PPP1R36: variants seen among roughly 807,000 people sequenced by gnomAD.
PPP1R36 encodes the protein protein phosphatase 1 regulatory subunit 36, also known as chromosome 14 open reading frame 50.
A neutral mutation model predicts 53.4 loss-of-function variants in PPP1R36; 47 were observed. The ratio of observed to expected loss-of-function variants is 0.88; its 90% CI spans 0.70 to 1.12. The LOEUF (loss-of-function observed/expected upper bound fraction) is 1.12, where lower values mean the gene tolerates loss of function less well. Ranked by LOEUF, PPP1R36 falls within the 50% of genes most tolerant of loss-of-function variation. PPP1R36 has a pLI of 0.00. For synonymous variants in PPP1R36, 153 were observed against 170.5 expected, an observed-to-expected ratio of 0.90 and a Z score of 0.80; for missense variants, 456 against 513.9, an observed-to-expected ratio of 0.89 and a Z score of 1.09.
intron 6 of PPP1R36, among the ~76,000 whole-genome samples, chr14:64,567,409 G>T (rs965076048): frequency 4.6e-5 from 7 of 152,066 alleles, no homozygotes; most frequent in Non-Finnish European, 8.8e-5. Context: ...TAAATATGAG[G>T]TATAGAATAT....
At chr14:64,576,595 T>C (rs1168200279) in intron 8 of PPP1R36, among the ~76,000 whole-genome samples, 1 of 152,190 alleles carries the variant, frequency 6.6e-6, no homozygotes, top group Non-Finnish European at 1.5e-5. Context: ...CTCACTTTCT[T>C]TGTTTTGTTG....
chr14:64,576,749 C>T (rs913310132), intron 8 of PPP1R36, among the ~76,000 whole-genome samples: 5 of 152,142 alleles, frequency 3.3e-5, no homozygotes, highest in Admixed American at 6.5e-5. Context: ...TTTGGGAATA[C>T]ACTCTTAATG....
intron 8 of PPP1R36, chr14:64,586,100 CAGCTAATTTTTGTACTTTTAGTAG>C (rs2080431625): frequency 2.0e-5 from 3 of 152,170 alleles, no homozygotes; most frequent in Non-Finnish European, 2.9e-5. Flanking sequence ...CCACCACACC[CAGCTAATTTTTGTACTTTTAGTAG>C]AGCTAATTTT....
At chr14:64,558,157 C>T (rs571792755) in intron 3 of PPP1R36, among the ~76,000 whole-genome samples, 14 of 152,234 alleles carry the variant, frequency 9.2e-5, no homozygotes, top group African/African-American at 2.9e-4. Context: ...GCAAAAAGGC[C>T]TGTGGATTTA....
In PPP1R36 at chr14:64,588,035, C is replaced by T. The variant is rs2080450020; in HGVS notation, c.891-69C>T. The T allele has an allele frequency of 2.8e-6, 4 of 1,436,148 alleles. No homozygotes were observed. The South Asian group carries it at 4.0e-5, about 15-fold the overall frequency. The allele number at this position is 1,436,148 out of a possible 1,614,324, so 89.0% of individuals were successfully genotyped here. On this transcript the variant is annotated intron_variant, in intron 10 of 11. Transcript: ENST00000298705. ...TTGGGATTACAGGCATGAGCCACTG[C>T]ACCTGGCCTCAAGAACATTTCTAGA...
chr14:64,551,150 G>T (rs2080091372), intron 2 of PPP1R36, among the ~76,000 whole-genome samples, 165 bp downstream of exon 2: 1 of 152,210 alleles, frequency 6.6e-6, no homozygotes, highest in African/African-American at 2.4e-5. Context: ...CTTACCAGCT[G>T]CTTCACATGG....
intron 8 of PPP1R36, chr14:64,586,034 G>C (rs2080430940): frequency 6.6e-6 from 1 of 152,212 alleles, no homozygotes; most frequent in South Asian, 2.1e-4. Flanking sequence ...CTACCTCCCG[G>C]GTTCAAGCAA....
At chr14:64,550,799 T>C (rs950991524) in intron 1 of PPP1R36, 122 bp from the exon 2 acceptor site, 9 of 699,492 alleles carry the variant, frequency 1.3e-5, no homozygotes, top group East Asian at 2.7e-5. Flanking sequence ...TTGTTTTTTG[T>C]TTCCTTCTTA....
At chr14:64,571,268 G>A (rs2080301302) in intron 7 of PPP1R36, among the ~76,000 whole-genome samples, 1 of 152,014 alleles carries the variant, frequency 6.6e-6, no homozygotes. Context: ...TGACACTACA[G>A]GCATGTGCTA....
Position 64,549,984 on chromosome 14 carries a change from T to A in PPP1R36, c.-14T>A. The A allele has an allele frequency of 6.4e-7, 1 of 1,560,992 alleles. No individual in the cohort carries two copies. The highest frequency in any genetic ancestry group is 8.7e-7 in the Non-Finnish European group (1 of 1,152,424). ...GTATCCTCGGCGACGCCGTATGGCTTCCAGGGCGAGGCCATGTACCGGGTG... is the reference window on the plus strand; with the variant it reads ...GTATCCTCGGCGACGCCGTATGGCTACCAGGGCGAGGCCATGTACCGGGTG... On this transcript the variant is annotated 5_prime_UTR_variant, in exon 1 of 12. Transcript: ENST00000298705.
At chr14:64,550,087 C>T in intron 1 of PPP1R36, 21 bp downstream of exon 1, 3 of 1,550,458 alleles carry the variant, frequency 1.9e-6, no homozygotes, top group South Asian at 1.2e-5. Flanking sequence ...CCTTGGTCGC[C>T]CCCATACCCG....
At chr14:64,588,508 G>A (rs1014985169) in intron 11 of PPP1R36, 5 of 425,184 alleles carry the variant, frequency 1.2e-5, no homozygotes, top group Non-Finnish European at 2.1e-5. Context: ...TTGCTAGAAA[G>A]TGGTGCTAGA....
chr14:64,574,668 G>T, intron 8 of PPP1R36, 79 bp downstream of exon 8: 1 of 1,447,968 alleles, frequency 6.9e-7, no homozygotes, highest in Non-Finnish European at 9.4e-7. Context: ...TTTGACTTTT[G>T]TTACCTTGAG....
At chr14:64,559,921 G>A (rs764457267) in intron 3 of PPP1R36, among the ~76,000 whole-genome samples, 6 of 151,804 alleles carry the variant, frequency 4.0e-5, no homozygotes, top group African/African-American at 1.2e-4. Flanking sequence ...TGGCCAAAAT[G>A]GCAAAACCCC....
chr14:64,550,182 C>CG (rs2080083077), intron 1 of PPP1R36, 116 bp downstream of exon 1: 1 of 1,447,846 alleles, frequency 6.9e-7, no homozygotes, highest in South Asian at 1.3e-5. Context: ...GCCTTCGCCC[C>CG]GGGCTGGCGG....
chr14:64,567,821 C>A (rs2080272737), intron 6 of PPP1R36, among the ~76,000 whole-genome samples: 1 of 152,094 alleles, frequency 6.6e-6, no homozygotes, highest in African/African-American at 2.4e-5. Flanking sequence ...ACCACCACGC[C>A]CGGCTAATTT....
At chr14:64,558,177 G>A (rs891770983) in intron 3 of PPP1R36, among the ~76,000 whole-genome samples, 6 of 152,082 alleles carry the variant, frequency 3.9e-5, no homozygotes, top group African/African-American at 1.4e-4. Context: ...AACAAATTAC[G>A]GATCCATAGG....
chr14:64,557,780 G>C (rs2080168641), intron 3 of PPP1R36, among the ~76,000 whole-genome samples: 1 of 152,190 alleles, frequency 6.6e-6, no homozygotes, highest in African/African-American at 2.4e-5. Flanking sequence ...GGGAGGCCTA[G>C]GTGGTGGATC....
intron 8 of PPP1R36, among the ~76,000 whole-genome samples, chr14:64,578,439 T>A (rs1034328244): frequency 1.3e-5 from 2 of 152,142 alleles, no homozygotes; most frequent in Admixed American, 6.6e-5. Context: ...AAAATCAGAG[T>A]ACATCATAAA....
Sources: allele counts gnomAD v4.1 joint callset (sites outside exome capture counted in the v4.1 genomes callset), GRCh38; gene constraint gnomAD v4.1.1; transcripts MANE v1.5; gene names NCBI Gene and HGNC (gene_info 2026-07-23, HGNC 2026-07-21).